GRM8: variants seen among roughly 807,000 people sequenced by gnomAD.
GRM8 encodes glutamate metabotropic receptor 8, also known as metabotropic glutamate receptor 8.
GRM8 carries 47 observed loss-of-function variants against 87.2 expected under a neutral mutation model. The ratio of observed to expected loss-of-function variants is 0.54; its 90% CI spans 0.43 to 0.69. The LOEUF (loss-of-function observed/expected upper bound fraction) is 0.69, where lower values mean the gene tolerates loss of function less well. Ranked by LOEUF, GRM8 falls within the 30% of genes least tolerant of loss-of-function variation. The pLI is 0.00. For synonymous variants in GRM8, 396 were observed against 404.5 expected, an observed-to-expected ratio of 0.98 and a Z score of 0.25; for missense variants, 1,019 against 1,139.2, an observed-to-expected ratio of 0.89 and a Z score of 1.52.
chr7:127,087,133 C>G (rs1823590500), intron 3 of GRM8, among the ~76,000 whole-genome samples: 1 of 152,172 alleles, frequency 6.6e-6, no homozygotes, highest in Non-Finnish European at 1.5e-5. Flanking sequence ...GGACCTGCAG[C>G]TGGGGCAGGA....
Position 127,199,882 on chromosome 7 carries a change from A to AT in GRM8, c.510+42812dup, listed in dbSNP as rs202193801. ...CAGACAAAATACTATTCAGTTTATT[A>AT]TACTATTGATTTTTAGAATACTCTT... On this transcript the variant is annotated intron_variant, in intron 2 of 10. Coordinates refer to ENST00000339582, the MANE Select transcript of GRM8 (RefSeq NM_000845.3). 8.5e-3 allele frequency among the ~76,000 whole-genome samples: 1,293 copies of AT among 152,320 alleles called. 20 individuals carry two copies. Among genetic ancestry groups the AT allele is most frequent in the African/African-American group, 0.029 (1,223 of 41,560 alleles).
At chr7:127,159,599 G>T (rs902327533) in intron 2 of GRM8, among the ~76,000 whole-genome samples, 34 of 152,098 alleles carry the variant, frequency 2.2e-4, no homozygotes, top group African/African-American at 8.0e-4. Context: ...ACTGAAAGTT[G>T]AACTTTAAAA....
chr7:126,907,284 A>AG (rs1802809082), intron 3 of GRM8, among the ~76,000 whole-genome samples: 4 of 136,952 alleles, frequency 2.9e-5, no homozygotes, highest in Non-Finnish European at 4.7e-5. Context: ...AGGAAGAAGA[A>AG]AGGGGAGGAG....
intron 3 of GRM8, among the ~76,000 whole-genome samples, chr7:127,082,962 T>C (rs1001934890): frequency 7.2e-5 from 11 of 152,000 alleles, no homozygotes; most frequent in African/African-American, 2.7e-4. Flanking sequence ...TTAGTCAGGG[T>C]TCTCCACAGA....
chr7:126,560,398 G>A (rs1277885337), intron 8 of GRM8, among the ~76,000 whole-genome samples: 1 of 152,068 alleles, frequency 6.6e-6, no homozygotes, highest in Admixed American at 6.6e-5. Flanking sequence ...ATTCTAGAAA[G>A]ATGTTTGTTT....
chr7:127,135,626 A>AAG lies in GRM8; in HGVS notation c.511-28915_511-28914insCT, dbSNP rs1827907145. ...GAGCGAGACTCCGTCTCAAAAAAAA[A>AAG]AAAAAAAAAAAAAAAAAAAAAAGAA... On this transcript the variant is annotated intron_variant, in intron 2 of 10. Coordinates refer to ENST00000339582, the MANE Select transcript of GRM8 (RefSeq NM_000845.3). 2.2e-4 allele frequency among the ~76,000 whole-genome samples: 6 copies of AAG among 26,956 alleles called. No homozygotes were observed. In the South Asian group the frequency reaches 6.7e-3, roughly 30 times the overall value. The allele number at this position is 26,956 out of a possible 152,430, so 17.7% of individuals were successfully genotyped here.
intron 7 of GRM8, among the ~76,000 whole-genome samples, chr7:126,705,638 T>C (rs182123135): frequency 1.6e-4 from 24 of 152,278 alleles, no homozygotes; most frequent in South Asian, 1.0e-3. Flanking sequence ...TTAATATACA[T>C]AGGTTAACAT....
intron 2 of GRM8, among the ~76,000 whole-genome samples, chr7:127,121,420 A>C (rs1827077788): frequency 1.3e-5 from 2 of 152,084 alleles, no homozygotes; most frequent in South Asian, 2.1e-4. Context: ...ACCCTCAAAG[A>C]AGCTCATTTC....
chr7:126,466,316 T>C (rs1261577809), intron 9 of GRM8, among the ~76,000 whole-genome samples: 9 of 151,902 alleles, frequency 5.9e-5, no homozygotes, highest in Admixed American at 5.9e-4. Context: ...CATCTGGTCA[T>C]TGTATTCCTT....
intron 6 of GRM8, among the ~76,000 whole-genome samples, chr7:126,788,420 A>AAAAAAAAAAAAACAAAAAAC: frequency 8.6e-5 from 7 of 81,126 alleles, no homozygotes; most frequent in East Asian, 7.4e-4. Context: ...AAAAAAAAAA[A>AAAAAAAAAAAAACAAAAAAC]AAACCCTTTC....
intron 2 of GRM8, among the ~76,000 whole-genome samples, chr7:127,238,877 C>A (rs1201089045): frequency 6.6e-6 from 1 of 152,212 alleles, no homozygotes; most frequent in East Asian, 1.9e-4. Context: ...CTAAATGAAC[C>A]TCCCCAACTG....
intron 8 of GRM8, among the ~76,000 whole-genome samples, chr7:126,574,519 T>C (rs1451588308): frequency 6.6e-6 from 1 of 152,218 alleles, no homozygotes; most frequent in African/African-American, 2.4e-5. Flanking sequence ...TCTAAGGAGT[T>C]AGGGATTTTC....
In GRM8 at chr7:126,849,601, G is replaced by A. The variant is rs114866117; in HGVS notation, c.1156+52941C>T. ...TTTCCCTAAACCCCCATCTACTTTC[G>A]TTCTCCTAAACAACTATTTCCTTCC... is the stretch of plus-strand genomic sequence containing the variant. On this transcript the variant is annotated intron_variant, in intron 6 of 10. Coordinates refer to ENST00000339582, the MANE Select transcript of GRM8 (RefSeq NM_000845.3). Among the ~76,000 whole-genome samples the A allele has an allele frequency of 6.5e-3, 983 of 152,122 alleles. 11 individuals are homozygous for A. The highest frequency in any genetic ancestry group is 0.022 in the African/African-American group (912 of 41,494).
chr7:126,768,928 A>AAAAAAAAAAAAAAC lies in GRM8; in HGVS notation c.1357+936_1357+937insGTTTTTTTTTTTTT, dbSNP rs1554485615. 4.3e-3 allele frequency among the ~76,000 whole-genome samples: 567 copies of AAAAAAAAAAAAAAC among 131,820 alleles called. 6 individuals carry two copies. The highest frequency in any genetic ancestry group is 0.017 in the African/African-American group (539 of 31,290). 86.5% of individuals were successfully genotyped at this position (131,820 alleles called of 152,430 possible). A position where few individuals can be genotyped will look rare whatever the true frequency, so the allele number is the denominator to read the frequency against. On this transcript the variant is annotated intron_variant, in intron 7 of 10. Transcript: ENST00000339582. ...TAGGTTGCCTTTAAAGGAAAAATGC[A>AAAAAAAAAAAAAAC]AAAAAAAAAAAAATAAAGAAGAAGT...
chr7:126,676,617 A>G (rs572550594), intron 7 of GRM8, among the ~76,000 whole-genome samples: 2 of 152,296 alleles, frequency 1.3e-5, no homozygotes, highest in Admixed American at 6.5e-5. Context: ...AAAAACATAC[A>G]CTAGGGAAAG....
chr7:127,102,789 G>A (rs1222277399), intron 3 of GRM8, among the ~76,000 whole-genome samples: 1 of 152,212 alleles, frequency 6.6e-6, no homozygotes, highest in African/African-American at 2.4e-5. Flanking sequence ...AGGGGGAAAT[G>A]TGGGGTTGGA....
intron 7 of GRM8, among the ~76,000 whole-genome samples, chr7:126,745,472 C>T (rs1815550649): frequency 6.7e-6 from 1 of 148,440 alleles, no homozygotes; most frequent in Non-Finnish European, 1.5e-5. Flanking sequence ...GTGTATATGT[C>T]CAACTGCTTC....
chr7:126,504,032 T>C lies in GRM8; in HGVS notation c.2430+28920A>G, dbSNP rs185888738. ...ACGAGCCACTGAGAATTAGGGGTTG[T>C]TCTGTTACCCCTTCACTAACAGTCT... On this transcript the variant is annotated intron_variant, in intron 9 of 10. Coordinates refer to ENST00000339582, the MANE Select transcript of GRM8 (RefSeq NM_000845.3). Among the ~76,000 whole-genome samples the C allele has an allele frequency of 6.6e-5, 10 of 152,156 alleles. No homozygotes were observed. In the East Asian group the frequency reaches 1.9e-3, roughly 30 times the overall value.
intron 2 of GRM8, among the ~76,000 whole-genome samples, chr7:127,227,940 G>A (rs1318275300): frequency 1.3e-5 from 2 of 152,206 alleles, no homozygotes; most frequent in Non-Finnish European, 2.9e-5. Flanking sequence ...GCGATATACG[G>A]AGAGTATGAG....
Sources: allele counts gnomAD v4.1 joint callset (sites outside exome capture counted in the v4.1 genomes callset), GRCh38; gene constraint gnomAD v4.1.1; transcripts MANE v1.5; gene names NCBI Gene and HGNC (gene_info 2026-07-23, HGNC 2026-07-21).